Variants in BMPR1B observed in about 807,000 individuals in gnomAD.
The protein encoded by BMPR1B is bone morphogenetic protein receptor type 1B, also known as bone morphogenetic protein receptor type-1B.
A neutral mutation model predicts 59.1 loss-of-function variants in BMPR1B; 12 were observed. That is an observed-to-expected ratio of 0.20 (90% CI 0.13 to 0.33). The LOEUF is 0.33. Ranked by LOEUF, BMPR1B falls within the 10% of genes least tolerant of loss-of-function variation. The pLI is 1.00. For synonymous variants in BMPR1B, 237 were observed against 207.3 expected, an observed-to-expected ratio of 1.14 and a Z score of -1.23; for missense variants, 550 against 610.9, an observed-to-expected ratio of 0.90 and a Z score of 1.05.
At chr4:95,137,875 A>ATG in intron 10 of BMPR1B, among the ~76,000 whole-genome samples, 2 of 152,184 alleles carry the variant, frequency 1.3e-5, no homozygotes, top group East Asian at 3.9e-4. Context: ...GCCAGTCCGT[A>ATG]TCTTTTAATT....
intron 1 of BMPR1B, among the ~76,000 whole-genome samples, chr4:94,819,447 A>G (rs977325074): frequency 6.6e-6 from 1 of 152,188 alleles, no homozygotes; most frequent in Non-Finnish European, 1.5e-5. Flanking sequence ...TACCAGGTGC[A>G]TTTTCACAGG....
intron 12 of BMPR1B, among the ~76,000 whole-genome samples, chr4:95,153,370 C>G (rs1318425900): frequency 6.6e-6 from 1 of 152,128 alleles, no homozygotes; most frequent in East Asian, 1.9e-4. Context: ...TCCTCCTGTT[C>G]CACATTCCTC....
At chr4:95,072,410 C>T (rs557414183) in intron 3 of BMPR1B, among the ~76,000 whole-genome samples, 1 of 152,254 alleles carries the variant, frequency 6.6e-6, no homozygotes, top group Admixed American at 6.5e-5. Context: ...ATTTTAAGTT[C>T]ATTCACATTT....
intron 3 of BMPR1B, among the ~76,000 whole-genome samples, chr4:95,095,573 C>A (rs540970825): frequency 1.2e-4 from 19 of 152,090 alleles, no homozygotes; most frequent in Admixed American, 3.9e-4. Flanking sequence ...AGGTGAAGAA[C>A]AGTGATGAGA....
chr4:94,947,407 T>G (rs1729759541), intron 2 of BMPR1B, among the ~76,000 whole-genome samples: 1 of 152,220 alleles, frequency 6.6e-6, no homozygotes, highest in African/African-American at 2.4e-5. Context: ...TGAGTTTGTT[T>G]GGGAATATTG....
At chr4:94,777,750 G>A (rs1452157669) in intron 1 of BMPR1B, among the ~76,000 whole-genome samples, 3 of 152,108 alleles carry the variant, frequency 2.0e-5, no homozygotes, top group African/African-American at 7.2e-5. Flanking sequence ...TTTTGGCCGG[G>A]CGTGGTGTCT....
At chr4:95,096,366 G>T (rs1730374358) in intron 3 of BMPR1B, among the ~76,000 whole-genome samples, 1 of 151,466 alleles carries the variant, frequency 6.6e-6, no homozygotes, top group South Asian at 2.1e-4. Flanking sequence ...TTTAGTCCTT[G>T]TAATTGAATG....
At chr4:95,016,266 T>G (rs939501960) in intron 3 of BMPR1B, among the ~76,000 whole-genome samples, 2 of 152,202 alleles carry the variant, frequency 1.3e-5, no homozygotes, top group Admixed American at 1.3e-4. Flanking sequence ...ATTTTTTTTT[T>G]GTTGTTACTT....
intron 2 of BMPR1B, among the ~76,000 whole-genome samples, chr4:94,966,820 A>C (rs1730572891): frequency 6.6e-6 from 1 of 152,180 alleles, no homozygotes; most frequent in African/African-American, 2.4e-5. Flanking sequence ...ATATTAGGTT[A>C]TTTGAAATTG....
chr4:94,964,467 G>T (rs543098386), intron 2 of BMPR1B, among the ~76,000 whole-genome samples: 1 of 152,240 alleles, frequency 6.6e-6, no homozygotes, highest in South Asian at 2.1e-4. Context: ...GTTTGGCAAA[G>T]ACTTTTTTCT....
intron 1 of BMPR1B, among the ~76,000 whole-genome samples, chr4:94,775,829 C>T (rs1038858177): frequency 6.6e-5 from 10 of 150,538 alleles, no homozygotes; most frequent in African/African-American, 2.2e-4. Flanking sequence ...CAGTGGCTCA[C>T]GCCTGTAATC....
At chr4:94,881,462 T>C (rs1200284807) in intron 2 of BMPR1B, among the ~76,000 whole-genome samples, 1 of 151,802 alleles carries the variant, frequency 6.6e-6, no homozygotes, top group Non-Finnish European at 1.5e-5. Flanking sequence ...CTGGGGCAAG[T>C]GTAATATTTC....
At chr4:94,961,942 A>G (rs1286141732) in intron 2 of BMPR1B, among the ~76,000 whole-genome samples, 1 of 152,160 alleles carries the variant, frequency 6.6e-6, no homozygotes, top group Non-Finnish European at 1.5e-5. Flanking sequence ...TGTGTTAGAA[A>G]CATTTCAATT....
chr4:95,091,421 T>C, intron 3 of BMPR1B: 1 of 970,096 alleles, frequency 1.0e-6, no homozygotes, highest in Non-Finnish European at 1.2e-6. Flanking sequence ...TCAAAGGGAC[T>C]ACTGAGAAAA....
chr4:95,114,147 C>T (rs775884605), intron 4 of BMPR1B, among the ~76,000 whole-genome samples: 18 of 152,080 alleles, frequency 1.2e-4, no homozygotes, highest in Non-Finnish European at 2.2e-4. Flanking sequence ...CCATGCTGAT[C>T]CCAAATCCTA....
chr4:94,935,935 AT>A (rs974644650), intron 2 of BMPR1B, among the ~76,000 whole-genome samples: 2 of 151,936 alleles, frequency 1.3e-5, no homozygotes, highest in Admixed American at 6.6e-5. Context: ...TTTTGTGTGC[AT>A]TTTTTTGTTG....
At chr4:94,902,048 TGTGTG>T (rs1727830911) in intron 2 of BMPR1B, among the ~76,000 whole-genome samples, 1 of 37,198 alleles carries the variant, frequency 2.7e-5, no homozygotes, top group Middle Eastern at 0.019. Flanking sequence ...GACTGCATGG[TGTGTG>T]TGTGTGTGTG....
intron 2 of BMPR1B, among the ~76,000 whole-genome samples, chr4:94,895,963 T>C (rs1489828239): frequency 6.6e-6 from 1 of 151,980 alleles, no homozygotes; most frequent in Non-Finnish European, 1.5e-5. Context: ...AATATACATA[T>C]ATATTTAATA....
intron 1 of BMPR1B, among the ~76,000 whole-genome samples, chr4:94,778,032 A>T (rs988035421): frequency 6.6e-6 from 1 of 152,148 alleles, no homozygotes; most frequent in Non-Finnish European, 1.5e-5. Flanking sequence ...ATCTCAAAAA[A>T]AAAAAGTGTA....
Sources: allele counts gnomAD v4.1 joint callset (sites outside exome capture counted in the v4.1 genomes callset), GRCh38; gene constraint gnomAD v4.1.1; transcripts MANE v1.5; gene names NCBI Gene and HGNC (gene_info 2026-07-23, HGNC 2026-07-21).